ATG10: variants seen among roughly 807,000 people sequenced by gnomAD.
ATG10 encodes the protein ubiquitin-like-conjugating enzyme ATG10.
A neutral mutation model predicts 32.1 loss-of-function variants in ATG10; 30 were observed. That is an observed-to-expected ratio of 0.94 (90% CI 0.70 to 1.27). ATG10 has a LOEUF of 1.27. ATG10 is among the 50% of genes most tolerant of loss of function. The pLI is 0.00. For synonymous variants in ATG10, 87 were observed against 91.5 expected, an observed-to-expected ratio of 0.95 and a Z score of 0.28; for missense variants, 233 against 262.3, an observed-to-expected ratio of 0.89 and a Z score of 0.77.
rs114380513 is a variant in ATG10 at position 82,038,865 on chromosome 5, T to G, written c.109-19630T>G. Among the ~76,000 whole-genome samples the G allele has an allele frequency of 8.5e-3, 1,300 of 152,340 alleles. 20 individuals are homozygous for G. Among genetic ancestry groups the G allele is most frequent in the African/African-American group, 0.03 (1,238 of 41,578 alleles). Reference sequence around the variant, plus strand: ...AAGTGATATTGTTTAATTAATTAATTTAGACTGAATCTTGCTCTGTCGCCC... The same window carrying G: ...AAGTGATATTGTTTAATTAATTAATGTAGACTGAATCTTGCTCTGTCGCCC... On this transcript the variant is annotated intron_variant, in intron 2 of 7. Transcript: ENST00000282185.
At position 82,156,025 on chromosome 5, in the gene ATG10, A is replaced by C. The variant is rs144336373; in HGVS notation, c.217-8374A>C. Among the ~76,000 whole-genome samples, 78 of 152,284 alleles carry C rather than the reference A, an allele frequency of 5.1e-4. No individual in the cohort carries two copies. The East Asian group carries it at 0.013, about 24-fold the overall frequency. On this transcript the variant is annotated intron_variant, in intron 3 of 7. Coordinates refer to ENST00000282185, the MANE Select transcript of ATG10 (RefSeq NM_031482.5). Reference sequence around the variant, plus strand: ...TAACTAACCAATTAGAAGGAAAAGGACAAAATGAAGGAAATTTTTATATAG... The same window carrying C: ...TAACTAACCAATTAGAAGGAAAAGGCCAAAATGAAGGAAATTTTTATATAG...
Position 82,015,226 on chromosome 5 carries a change from G to A in ATG10, c.108+27548G>A, listed in dbSNP as rs536010127. On this transcript the variant is annotated intron_variant, in intron 2 of 7. Coordinates refer to ENST00000282185, the MANE Select transcript of ATG10 (RefSeq NM_031482.5). The stretch of plus-strand genomic sequence containing the variant: ...TAGTCTGATGGGCTTCCCTTTGTGG[G>A]TAACCCGACCTTTCTGTCTGGCTGC... Among the ~76,000 whole-genome samples, 36 of 152,308 alleles carry A rather than the reference G, an allele frequency of 2.4e-4. No homozygotes were observed. In the South Asian group the frequency reaches 7.5e-3, roughly 32 times the overall value.
intron 3 of ATG10, among the ~76,000 whole-genome samples, chr5:82,094,241 G>A (rs1218187784): frequency 6.6e-6 from 1 of 151,992 alleles, no homozygotes; most frequent in East Asian, 1.9e-4. Context: ...CCCATTTGTT[G>A]CTTGATGTTT....
chr5:82,086,354 A>G (rs1158330169), intron 3 of ATG10, among the ~76,000 whole-genome samples: 1 of 152,228 alleles, frequency 6.6e-6, no homozygotes, highest in African/African-American at 2.4e-5. Flanking sequence ...AATTACAATA[A>G]AATTAACAAA....
chr5:82,089,523 T>G (rs1341886356), intron 3 of ATG10, among the ~76,000 whole-genome samples: 1 of 152,096 alleles, frequency 6.6e-6, no homozygotes, highest in African/African-American at 2.4e-5. Context: ...CAATTGGACA[T>G]CCCTAGGCAA....
At chr5:82,096,829 C>T (rs933628314) in intron 3 of ATG10, among the ~76,000 whole-genome samples, 1 of 152,196 alleles carries the variant, frequency 6.6e-6, no homozygotes, top group Admixed American at 6.5e-5. Flanking sequence ...ATACTGTGCT[C>T]TGCCACCTCT....
At chr5:82,209,198 T>G (rs1745405449) in intron 5 of ATG10, among the ~76,000 whole-genome samples, 1 of 152,244 alleles carries the variant, frequency 6.6e-6, no homozygotes, top group Non-Finnish European at 1.5e-5. Flanking sequence ...TAATCTGACT[T>G]ATTTGAAGGT....
intron 3 of ATG10, among the ~76,000 whole-genome samples, chr5:82,060,109 A>T (rs1763719503): frequency 6.6e-6 from 1 of 152,206 alleles, no homozygotes; most frequent in African/African-American, 2.4e-5. Flanking sequence ...CAAAGTTTAA[A>T]GATGTGCACA....
intron 3 of ATG10, among the ~76,000 whole-genome samples, chr5:82,096,535 A>C (rs1765072129): frequency 6.6e-6 from 1 of 152,030 alleles, no homozygotes; most frequent in South Asian, 2.1e-4. Context: ...TATTTCCTTG[A>C]TGAGAGCATG....
At chr5:82,158,723 A>C (rs1767908327) in intron 3 of ATG10, among the ~76,000 whole-genome samples, 1 of 152,156 alleles carries the variant, frequency 6.6e-6, no homozygotes, top group Admixed American at 6.6e-5. Context: ...TCACATAATA[A>C]AAGAAAAATA....
intron 3 of ATG10, among the ~76,000 whole-genome samples, chr5:82,152,041 AAAG>A (rs1026685101): frequency 1.1e-4 from 16 of 152,364 alleles, no homozygotes; most frequent in African/African-American, 3.8e-4. Flanking sequence ...TAAAACACAC[AAAG>A]AAGAACAAAA....
At chr5:81,985,907 C>T (rs1029160385) in intron 1 of ATG10, among the ~76,000 whole-genome samples, 11 of 152,134 alleles carry the variant, frequency 7.2e-5, no homozygotes, top group African/African-American at 1.9e-4. Context: ...GGACTACAGG[C>T]GCCCGCCACC....
intron 3 of ATG10, among the ~76,000 whole-genome samples, chr5:82,102,504 CAGA>C (rs1419576197): frequency 3.3e-5 from 5 of 152,012 alleles, no homozygotes; most frequent in African/African-American, 9.7e-5. Context: ...CCAATAGAAA[CAGA>C]AGGAGAAAAT....
chr5:82,155,001 C>T (rs1424400190), intron 3 of ATG10, among the ~76,000 whole-genome samples: 1 of 152,204 alleles, frequency 6.6e-6, no homozygotes, highest in Non-Finnish European at 1.5e-5. Flanking sequence ...AACATTCCTA[C>T]AATGCTTGCC....
At chr5:82,180,981 G>C (rs943728319) in intron 5 of ATG10, among the ~76,000 whole-genome samples, 29 of 152,092 alleles carry the variant, frequency 1.9e-4, no homozygotes, top group Admixed American at 1.9e-3. Flanking sequence ...ACTCACCACT[G>C]AACCAATCTG....
At chr5:82,082,309 A>G (rs1413091099) in intron 3 of ATG10, among the ~76,000 whole-genome samples, 1 of 152,212 alleles carries the variant, frequency 6.6e-6, no homozygotes, top group Non-Finnish European at 1.5e-5. Flanking sequence ...ATAACAATTC[A>G]TATATTCTGG....
intron 2 of ATG10, among the ~76,000 whole-genome samples, chr5:82,010,525 A>T (rs773732437): frequency 6.6e-6 from 1 of 152,156 alleles, no homozygotes; most frequent in Admixed American, 6.5e-5. Context: ...TTAATTAACT[A>T]ATTTCTTTAA....
At chr5:82,225,428 T>A (rs1746087635) in intron 5 of ATG10, among the ~76,000 whole-genome samples, 1 of 152,188 alleles carries the variant, frequency 6.6e-6, no homozygotes, top group African/African-American at 2.4e-5. Context: ...ACCCAGCTGT[T>A]TGCAGATCAT....
chr5:82,132,606 G>C (rs939868954), intron 3 of ATG10, among the ~76,000 whole-genome samples: 1 of 152,016 alleles, frequency 6.6e-6, no homozygotes, highest in African/African-American at 2.4e-5. Context: ...ATGAGTGCAT[G>C]TTATTCTATG....
Sources: gnomAD v4.1 joint callset for allele counts (sites outside exome capture counted in the v4.1 genomes callset) on GRCh38, gnomAD v4.1.1 for gene constraint, MANE v1.5 for transcripts, NCBI Gene and HGNC (gene_info 2026-07-23, HGNC 2026-07-21) for gene names.